ZFPM2: variants seen among roughly 807,000 people sequenced by gnomAD.
The protein encoded by ZFPM2 is zinc finger protein ZFPM2.
In ZFPM2, 20 loss-of-function variants were observed where a neutral mutation model predicts 98.6. That is an observed-to-expected ratio of 0.20 (90% CI 0.14 to 0.29). The LOEUF (loss-of-function observed/expected upper bound fraction) is 0.29, where lower values mean the gene tolerates loss of function less well. Ranked by LOEUF, ZFPM2 falls within the 10% of genes least tolerant of loss-of-function variation. ZFPM2 has a pLI of 1.00. For synonymous variants in ZFPM2, 518 were observed against 502.7 expected, an observed-to-expected ratio of 1.03 and a Z score of -0.41; for missense variants, 1,310 against 1,388.6, an observed-to-expected ratio of 0.94 and a Z score of 0.90.
intron 5 of ZFPM2, among the ~76,000 whole-genome samples, chr8:105,699,996 A>T (rs894889347): frequency 6.6e-6 from 1 of 152,240 alleles, no homozygotes; most frequent in African/African-American, 2.4e-5. Flanking sequence ...CAAAGTAATT[A>T]AAATGTATGA....
chr8:105,751,399 A>T (rs1163707044), intron 5 of ZFPM2, among the ~76,000 whole-genome samples: 1 of 152,080 alleles, frequency 6.6e-6, no homozygotes, highest in Non-Finnish European at 1.5e-5. Context: ...ATTGTAACGA[A>T]TGTTTGTTAC....
chr8:105,625,236 T>C (rs1173707069), intron 4 of ZFPM2, among the ~76,000 whole-genome samples: 2 of 152,210 alleles, frequency 1.3e-5, no homozygotes, highest in African/African-American at 4.8e-5. Flanking sequence ...CAAAAGTAGG[T>C]ATAGCATATA....
intron 7 of ZFPM2, among the ~76,000 whole-genome samples, chr8:105,800,841 T>C (rs549878229): frequency 6.6e-6 from 1 of 152,288 alleles, no homozygotes; most frequent in African/African-American, 2.4e-5. Flanking sequence ...ATAATATTCA[T>C]GAAAGTACTT....
At chr8:105,325,677 C>A (rs576410939) in intron 1 of ZFPM2, among the ~76,000 whole-genome samples, 2 of 151,494 alleles carry the variant, frequency 1.3e-5, no homozygotes, top group Non-Finnish European at 3.0e-5. Flanking sequence ...TTTTTGTTTG[C>A]GAATAGAGGC....
chr8:105,436,603 A>G (rs989797929), intron 2 of ZFPM2, among the ~76,000 whole-genome samples: 13 of 152,192 alleles, frequency 8.5e-5, no homozygotes, highest in Admixed American at 8.5e-4. Context: ...ACATCCTGCT[A>G]TCTCTGTTGC....
intron 3 of ZFPM2, among the ~76,000 whole-genome samples, chr8:105,447,037 A>G (rs1812387922): frequency 6.6e-6 from 1 of 152,078 alleles, no homozygotes; most frequent in South Asian, 2.1e-4. Flanking sequence ...AACTGTAGTC[A>G]GAGAGAAAAT....
chr8:105,356,840 A>T (rs1812756117), intron 1 of ZFPM2, among the ~76,000 whole-genome samples: 1 of 151,884 alleles, frequency 6.6e-6, no homozygotes, highest in Non-Finnish European at 1.5e-5. Context: ...CCACTCACTG[A>T]TTTGCCTGTT....
intron 3 of ZFPM2, 99 bp from the exon 4 acceptor site, chr8:105,561,264 C>T: frequency 2.3e-6 from 2 of 877,554 alleles, no homozygotes; most frequent in South Asian, 1.5e-5. Flanking sequence ...TTATATGAAT[C>T]CTGAGAATAT....
At chr8:105,491,381 A>C (rs1022485847) in intron 3 of ZFPM2, among the ~76,000 whole-genome samples, 9 of 152,244 alleles carry the variant, frequency 5.9e-5, no homozygotes, top group African/African-American at 2.2e-4. Flanking sequence ...TCAATTATGC[A>C]ATTTTCATTG....
chr8:105,395,475 TC>T (rs1178309891), intron 1 of ZFPM2, among the ~76,000 whole-genome samples: 1 of 152,032 alleles, frequency 6.6e-6, no homozygotes, highest in Non-Finnish European at 1.5e-5. Flanking sequence ...ATAATGTGGG[TC>T]CTTACACACC....
At chr8:105,654,225 AAAAC>A (rs1817240359) in intron 5 of ZFPM2, among the ~76,000 whole-genome samples, 2 of 152,132 alleles carry the variant, frequency 1.3e-5, no homozygotes, top group African/African-American at 4.8e-5. Flanking sequence ...AGGAAAAAAA[AAAAC>A]AAATTTGCTG....
At chr8:105,386,304 A>AT (rs956038181) in intron 1 of ZFPM2, among the ~76,000 whole-genome samples, 63 of 151,968 alleles carry the variant, frequency 4.1e-4, no homozygotes, top group African/African-American at 1.4e-3. Flanking sequence ...TACATTTTTA[A>AT]TTTTTTTACA....
intron 3 of ZFPM2, among the ~76,000 whole-genome samples, chr8:105,490,178 C>T (rs1414005418): frequency 6.6e-5 from 10 of 151,824 alleles, no homozygotes; most frequent in Non-Finnish European, 7.4e-5. Context: ...ACCCGGGAGG[C>T]GGAGGTTGCA....
intron 5 of ZFPM2, among the ~76,000 whole-genome samples, chr8:105,766,541 G>C (rs1812856048): frequency 6.6e-6 from 1 of 151,818 alleles, no homozygotes; most frequent in Admixed American, 6.6e-5. Context: ...GGAAGTAAGG[G>C]GATTAGGCAT....
chr8:105,517,741 A>ACACACACACACACACACC (rs1479862745), intron 3 of ZFPM2, among the ~76,000 whole-genome samples: 9 of 141,508 alleles, frequency 6.4e-5, no homozygotes, highest in Admixed American at 3.6e-4. Flanking sequence ...ACACACACAC[A>ACACACACACACACACACC]CCCCTAGTTG....
At chr8:105,386,209 A>G (rs1233118201) in intron 1 of ZFPM2, among the ~76,000 whole-genome samples, 6 of 152,176 alleles carry the variant, frequency 3.9e-5, no homozygotes, top group Non-Finnish European at 7.3e-5. Flanking sequence ...GCCCAACCGA[A>G]AGTAGGGTAT....
In ZFPM2 at chr8:105,443,312, C is replaced by CA. The variant is rs1491232192; in HGVS notation, c.200-962dup. On this transcript the variant is annotated intron_variant, in intron 2 of 7. Coordinates refer to ENST00000407775, the MANE Select transcript of ZFPM2 (RefSeq NM_012082.4). ...TGACAGAGCGAGTAAGACTCCTTCT[C>CA]AAAAAACAAAAAACAAAAAAAAAAA... Among the ~76,000 whole-genome samples the CA allele has an allele frequency of 2.5e-3, 292 of 115,348 alleles. 25 individuals carry two copies. Among genetic ancestry groups the CA allele is most frequent in the African/African-American group, 0.011 (269 of 24,310 alleles). The allele number at this position is 115,348 out of a possible 152,430, so 75.7% of individuals were successfully genotyped here.
chr8:105,666,351 A>G (rs910294164), intron 5 of ZFPM2, among the ~76,000 whole-genome samples: 1 of 152,212 alleles, frequency 6.6e-6, no homozygotes, highest in African/African-American at 2.4e-5. Flanking sequence ...AGTGAAAATT[A>G]TCGATAACAC....
intron 4 of ZFPM2, among the ~76,000 whole-genome samples, chr8:105,610,785 C>T (rs1421346357): frequency 7.2e-5 from 11 of 152,196 alleles, no homozygotes; most frequent in Non-Finnish European, 1.2e-4. Flanking sequence ...ATCTGCTCTG[C>T]ACATGGCCTC....
Sources: gnomAD v4.1 joint callset for allele counts (sites outside exome capture counted in the v4.1 genomes callset) on GRCh38, gnomAD v4.1.1 for gene constraint, MANE v1.5 for transcripts, NCBI Gene and HGNC (gene_info 2026-07-23, HGNC 2026-07-21) for gene names.